Variants in RSPH9 observed in about 807,000 individuals in gnomAD.
RSPH9 encodes radial spoke head protein 9 homolog.
A neutral mutation model predicts 27.0 loss-of-function variants in RSPH9; 27 were observed. The ratio of observed to expected loss-of-function variants is 1.00; its 90% CI spans 0.74 to 1.38. The LOEUF (loss-of-function observed/expected upper bound fraction) is 1.38. Ranked by LOEUF, RSPH9 falls within the 40% of genes most tolerant of loss-of-function variation. The probability of loss-of-function intolerance (pLI) is 0.00; values close to 1 mark genes in which losing one functional copy is unlikely to be tolerated. For synonymous variants in RSPH9, 145 were observed against 147.7 expected (o/e 0.98, Z 0.13); for missense variants, 347 against 357.4 (o/e 0.97, Z 0.24).
chr6:43,653,991 C>G (rs1462737429), intron 2 of RSPH9, among the ~76,000 whole-genome samples: 1 of 152,138 alleles, frequency 6.6e-6, no homozygotes, highest in Admixed American at 6.6e-5. Flanking sequence ...CGGGCCCAGC[C>G]GTGAGCCTCA....
At chr6:43,669,852 G>A (rs1476966563) in intron 4 of RSPH9, among the ~76,000 whole-genome samples, 1 of 152,210 alleles carries the variant, frequency 6.6e-6, no homozygotes, top group African/African-American at 2.4e-5. Flanking sequence ...GGCTGCTCCT[G>A]TGTGGGGAGA....
chr6:43,657,482 C>A (rs762829273), intron 4 of RSPH9, among the ~76,000 whole-genome samples: 1 of 152,172 alleles, frequency 6.6e-6, no homozygotes, highest in African/African-American at 2.4e-5. Context: ...GAGAGTTAAA[C>A]CCAAGGACAC....
intron 1 of RSPH9, among the ~76,000 whole-genome samples, chr6:43,647,115 C>T (rs1286294079): frequency 6.6e-5 from 9 of 135,888 alleles, no homozygotes; most frequent in African/African-American, 1.7e-4. Context: ...GGTGACAGAG[C>T]GAGACCCTGT....
chr6:43,656,843 C>T (rs1582387274), intron 4 of RSPH9, 120 bp downstream of exon 4: 1 of 1,190,382 alleles, frequency 8.4e-7, no homozygotes, highest in Middle Eastern at 2.7e-4. Context: ...GGTGGTTCAC[C>T]ATGGGTTTTT....
chr6:43,645,436 G>A (rs1770750024), intron 1 of RSPH9, 111 bp downstream of exon 1: 1 of 919,356 alleles, frequency 1.1e-6, no homozygotes, highest in East Asian at 2.9e-5. Flanking sequence ...CAAGGGAGGT[G>A]TGGGCGGGAT....
Position 43,672,287 on chromosome 6 carries a change from A to G in RSPH9, c.*1338A>G. On this transcript the variant is annotated 3_prime_UTR_variant, in exon 5 of 5. Coordinates refer to ENST00000372163, the MANE Select transcript of RSPH9 (RefSeq NM_152732.5). ...AGAGCTGATGTAAGGCTCTGGAGGAACCCATTGCTCTTCCCCATTTGGCTC... is the reference window on the plus strand; with the variant it reads ...AGAGCTGATGTAAGGCTCTGGAGGAGCCCATTGCTCTTCCCCATTTGGCTC... 2.2e-6 allele frequency: 1 copy of G among 456,596 alleles called. No homozygotes were observed. The highest frequency in any genetic ancestry group is 6.7e-5 in the East Asian group (1 of 14,898). 28.3% of individuals were successfully genotyped at this position (456,596 alleles called of 1,614,324 possible).
In RSPH9 at chr6:43,645,265, A is replaced by G; in HGVS notation, c.167A>G (p.Asp56Gly). 1 of 1,613,576 alleles carries G rather than the reference A, an allele frequency of 6.2e-7. No individual in the cohort carries two copies. Among genetic ancestry groups the G allele is most frequent in the South Asian group, 1.1e-5 (1 of 91,088 alleles). Residue 56 changes from aspartate (D) to glycine (G), a missense_variant, in exon 1 of 5, where the codon GAT (aspartate) becomes GGT (glycine). By Grantham distance (94) the Asp-to-Gly change is moderately conservative (BLOSUM62 -1). Transcript: ENST00000372163. Reference protein sequence around the residue: ...FWGRILGLVADYYIAQGLSED... With the variant: ...FWGRILGLVAGYYIAQGLSED... ...GGCCGCATCCTTGGCCTCGTCGCCGATTACTACATCGCGCAGGGCCTGAGT... is the reference window on the plus strand; with the variant it reads ...GGCCGCATCCTTGGCCTCGTCGCCGGTTACTACATCGCGCAGGGCCTGAGT...
rs1328299791 is a variant in RSPH9, at chr6:43,650,400, T to C, written c.253T>C (p.Leu85=). The C allele has an allele frequency of 6.8e-6, 11 of 1,613,414 alleles. No individual in the cohort carries two copies. Among genetic ancestry groups the C allele is most frequent in the Non-Finnish European group, 9.3e-6 (11 of 1,179,948 alleles). The change falls in exon 2 of 5, where the codon TTG becomes CTG. Residue 85 remains leucine, a synonymous_variant. Coordinates refer to ENST00000372163, the MANE Select transcript of RSPH9 (RefSeq NM_152732.5). ...YSLNCTEWSL[L]PPATEEMVAQ... Reference sequence around the variant, plus strand: ...CCTGAACTGCACAGAGTGGAGCCTCTTGCCCCCTGCCACAGAGGAGATGGT... The same window carrying C: ...CCTGAACTGCACAGAGTGGAGCCTCCTGCCCCCTGCCACAGAGGAGATGGT...
rs1385545445 is a variant in RSPH9, at chr6:43,650,717, T to C, written c.393+177T>C. Among the ~76,000 whole-genome samples the C allele has an allele frequency of 2.6e-5, 4 of 151,908 alleles. 1 individual carries two copies. Among genetic ancestry groups the C allele is most frequent in the Admixed American group, 2.6e-4 (4 of 15,226 alleles). On this transcript the variant is annotated intron_variant, in intron 2 of 4. Coordinates refer to ENST00000372163, the MANE Select transcript of RSPH9 (RefSeq NM_152732.5). ...GTCAGGAGATTGAGACCATCCTGGC[T>C]AACACAGTGAAACCCCGTCTCTACT... is the stretch of plus-strand genomic sequence containing the variant.
chr6:43,650,966 C>CT (rs35382196), intron 2 of RSPH9, among the ~76,000 whole-genome samples: 74 of 142,558 alleles, frequency 5.2e-4, no homozygotes, highest in East Asian at 1.8e-3. Flanking sequence ...TCATTATTTC[C>CT]TTTTTTTTTT....
chr6:43,661,263 T>C (rs1012251807), intron 4 of RSPH9, among the ~76,000 whole-genome samples: 3 of 152,196 alleles, frequency 2.0e-5, no homozygotes, highest in African/African-American at 7.2e-5. Context: ...AAATAAGCAT[T>C]GGCTTCAACT....
Position 43,670,870 on chromosome 6 carries a change from A to G in RSPH9, c.752A>G (p.His251Arg), listed in dbSNP as rs1190689752. The G allele has an allele frequency of 1.9e-6, 3 of 1,614,164 alleles. No individual in the cohort carries two copies. Among genetic ancestry groups the G allele is most frequent in the Admixed American group, 1.7e-5 (1 of 60,024 alleles). ...CTCTGGCCGGGCCTCACCTTCTACC[A>G]TGCTCCCCGCACCAAGAACTATGGC... ...SLLWPGLTFY[H>R]APRTKNYGYV... Residue 251 changes from histidine (H) to arginine (R), a missense_variant, in exon 5 of 5, where the codon CAT becomes CGT. By Grantham distance (29) the His-to-Arg change is conservative. Transcript: ENST00000372163.
chr6:43,671,082 A>T lies in RSPH9; in HGVS notation c.*133A>T. On this transcript the variant is annotated 3_prime_UTR_variant, in exon 5 of 5. Coordinates refer to ENST00000372163, the MANE Select transcript of RSPH9 (RefSeq NM_152732.5). ...TCTGGTTCCAGATTCTGAAAGGCCC[A>T]CTGAGCCAGGGAGCTCATTTCTAAA... The T allele has an allele frequency of 2.6e-6, 3 of 1,140,714 alleles. No individual in the cohort carries two copies. The highest frequency in any genetic ancestry group is 3.8e-6 in the Non-Finnish European group (3 of 782,082). 70.7% of individuals were successfully genotyped at this position (1,140,714 alleles called of 1,614,324 possible). A position where few individuals can be genotyped will look rare whatever the true frequency, so the allele number is the denominator to read the frequency against.
intron 2 of RSPH9, among the ~76,000 whole-genome samples, chr6:43,655,321 AT>A (rs889134117): frequency 6.6e-6 from 1 of 152,012 alleles, no homozygotes; most frequent in African/African-American, 2.4e-5. Flanking sequence ...AGAAAGACTG[AT>A]TTTTTCCTGT....
chr6:43,650,592 C>T, intron 2 of RSPH9, 52 bp downstream of exon 2: 1 of 1,599,190 alleles, frequency 6.3e-7, no homozygotes, highest in Non-Finnish European at 8.6e-7. Context: ...CTGGGCTCAT[C>T]CAAAACCCAG....
At chr6:43,657,935 A>T (rs1772192253) in intron 4 of RSPH9, among the ~76,000 whole-genome samples, 1 of 152,224 alleles carries the variant, frequency 6.6e-6, no homozygotes, top group South Asian at 2.1e-4. Flanking sequence ...GAATTAAATG[A>T]GTTAACTCAT....
intron 4 of RSPH9, among the ~76,000 whole-genome samples, chr6:43,664,259 C>T (rs1028685015): frequency 2.6e-5 from 4 of 152,052 alleles, no homozygotes; most frequent in African/African-American, 4.8e-5. Flanking sequence ...TTATTTGAGA[C>T]GGAGTTTCTC....
At chr6:43,645,971 T>G (rs1770815577) in intron 1 of RSPH9, among the ~76,000 whole-genome samples, 1 of 152,158 alleles carries the variant, frequency 6.6e-6, no homozygotes, top group Non-Finnish European at 1.5e-5. Context: ...TATTTTTGTT[T>G]TGAGGCAGAG....
At chr6:43,647,890 C>T (rs78361693) in intron 1 of RSPH9, among the ~76,000 whole-genome samples, 5,740 of 152,186 alleles carry the variant, frequency 0.038, 355 homozygotes, top group African/African-American at 0.13. Context: ...AGTGTGTGTT[C>T]AGGGGGCAGG....
Sources: gnomAD v4.1 joint callset for allele counts (sites outside exome capture counted in the v4.1 genomes callset) on GRCh38, gnomAD v4.1.1 for gene constraint, MANE v1.5 for transcripts, NCBI Gene and HGNC (gene_info 2026-07-23, HGNC 2026-07-21) for gene names.